The following FPR3 variants were observed in gnomAD, a reference collection of about 807,000 sequenced individuals.
The protein encoded by FPR3 is N-formyl peptide receptor 3.
For missense variants in FPR3, 346 were observed against 443.2 expected (o/e 0.78, Z 1.97); for synonymous variants, 135 against 163.6 (o/e 0.83, Z 1.34).
chr19:51,810,810 A>G (rs1342014519), intron 1 of FPR3, among the ~76,000 whole-genome samples: 1 of 152,060 alleles, frequency 6.6e-6, no homozygotes, highest in Non-Finnish European at 1.5e-5. Context: ...TCCTTCAACA[A>G]CTTACTCTAG....
At position 51,824,792 on chromosome 19, in the gene FPR3, G is replaced by A. The variant is rs1342444928; in HGVS notation, c.1044G>A (p.Thr348=). Residue 348 remains threonine (T), a synonymous_variant, in exon 2 of 2, where the codon ACG becomes ACA. Coordinates refer to ENST00000339223, the MANE Select transcript of FPR3 (RefSeq NM_002030.5). This position sits in a 1 kb window ranked among gnomAD's most constrained non-coding sequence, Gnocchi z 4.7. ...DTTSASPPEE[T]ELQAM ...CTTCTGCTTCACCTCCTGAGGAGAC[G>A]GAGTTACAAGCAATGTGAGGTCGGG... 5.0e-6 allele frequency: 8 copies of A among 1,611,756 alleles called. No individual in the cohort carries two copies. The highest frequency in any genetic ancestry group is 1.3e-5 in the African/African-American group (1 of 74,848).
intron 1 of FPR3, among the ~76,000 whole-genome samples, chr19:51,804,536 CA>C (rs980298540): frequency 2.0e-5 from 3 of 151,608 alleles, no homozygotes; most frequent in African/African-American, 7.3e-5. Context: ...ATTTTTATAC[CA>C]AAAAAATTAT....
At chr19:51,806,691 T>C (rs573743731) in intron 1 of FPR3, among the ~76,000 whole-genome samples, 29 of 152,372 alleles carry the variant, frequency 1.9e-4, no homozygotes, top group Non-Finnish European at 3.8e-4. Context: ...CCATTGTCAA[T>C]TTTTAATTGT....
At chr19:51,801,038 C>T (rs2084024395) in intron 1 of FPR3, among the ~76,000 whole-genome samples, 1 of 151,820 alleles carries the variant, frequency 6.6e-6, no homozygotes, top group Non-Finnish European at 1.5e-5. Context: ...TCAACTAGGA[C>T]AGAAACTAAG....
chr19:51,796,762 G>A (rs886265065), intron 1 of FPR3, among the ~76,000 whole-genome samples: 1 of 152,174 alleles, frequency 6.6e-6, no homozygotes, highest in Admixed American at 6.5e-5. Context: ...AAGAGTGGCA[G>A]GTCTGGGAGG....
At chr19:51,801,465 C>A (rs572768629) in intron 1 of FPR3, among the ~76,000 whole-genome samples, 2 of 152,122 alleles carry the variant, frequency 1.3e-5, no homozygotes, top group Non-Finnish European at 2.9e-5. Context: ...TGTTCCTCTA[C>A]AATATAGGTT....
At chr19:51,810,081 G>A (rs551617039) in intron 1 of FPR3, among the ~76,000 whole-genome samples, 14 of 152,252 alleles carry the variant, frequency 9.2e-5, no homozygotes, top group East Asian at 1.9e-4. Context: ...GAGATCTGGC[G>A]GCATTCCTTT....
intron 1 of FPR3, among the ~76,000 whole-genome samples, chr19:51,796,375 G>C (rs1038861943): frequency 6.6e-6 from 1 of 152,242 alleles, no homozygotes; most frequent in Non-Finnish European, 1.5e-5. Context: ...GGGAACCTAG[G>C]ATAAGGGAAC....
chr19:51,807,475 G>C (rs756549671), intron 1 of FPR3, among the ~76,000 whole-genome samples: 1 of 152,086 alleles, frequency 6.6e-6, no homozygotes, highest in Non-Finnish European at 1.5e-5. Context: ...ATGGGCCTTC[G>C]GGTCCCTGCA....
At chr19:51,822,354 G>A (rs1357940589) in intron 1 of FPR3, among the ~76,000 whole-genome samples, 1 of 152,178 alleles carries the variant, frequency 6.6e-6, no homozygotes, top group Non-Finnish European at 1.5e-5. Flanking sequence ...AAAGATGGAG[G>A]AGGGATACCT....
intron 1 of FPR3, among the ~76,000 whole-genome samples, chr19:51,813,472 G>A (rs1483668088): frequency 6.6e-6 from 1 of 151,948 alleles, no homozygotes; most frequent in African/African-American, 2.4e-5. Flanking sequence ...TGTTTCAGTG[G>A]TGAAAGATAA....
intron 1 of FPR3, chr19:51,804,228 A>C (rs2084043114): frequency 6.6e-6 from 1 of 152,056 alleles, no homozygotes; most frequent in South Asian, 2.1e-4. Flanking sequence ...CACAGTTTCC[A>C]GTTCTACACC....
intron 1 of FPR3, among the ~76,000 whole-genome samples, chr19:51,803,316 T>C (rs563643207): frequency 6.6e-6 from 1 of 152,318 alleles, no homozygotes; most frequent in African/African-American, 2.4e-5. Context: ...CTAATGACTT[T>C]GTATTTAAAT....
rs769560555 is a variant in FPR3, at chr19:51,824,696, T to C, written c.948T>C (p.Ser316=). 1 of 1,614,112 alleles carries C rather than the reference T, an allele frequency of 6.2e-7. No individual in the cohort carries two copies. Among genetic ancestry groups the C allele is most frequent in the South Asian group, 1.1e-5 (1 of 91,080 alleles). The change falls in exon 2 of 2, where the codon TCT becomes TCC. Residue 316 remains serine, a synonymous_variant. Coordinates refer to ENST00000339223, the MANE Select transcript of FPR3 (RefSeq NM_002030.5). This position sits in a 1 kb window ranked among gnomAD's most constrained non-coding sequence, Gnocchi z 4.7. The stretch of plus-strand genomic sequence containing the variant: ...ACTTCCAAGAAAGACTGATTCGCTC[T>C]TTGCCCACTAGTTTGGAGAGGGCCC... ...GRNFQERLIR[S]LPTSLERALT...
At chr19:51,812,024 G>A (rs759879330) in intron 1 of FPR3, among the ~76,000 whole-genome samples, 3 of 152,120 alleles carry the variant, frequency 2.0e-5, no homozygotes, top group Admixed American at 6.5e-5. Flanking sequence ...AGTATACCTC[G>A]CTTTAACTAC....
At chr19:51,802,843 G>C (rs1158692862) in intron 1 of FPR3, among the ~76,000 whole-genome samples, 1 of 152,012 alleles carries the variant, frequency 6.6e-6, no homozygotes, top group African/African-American at 2.4e-5. Context: ...ATATTAACAT[G>C]ATTATTTTTA....
chr19:51,801,995 TTAAAG>T (rs1238613744), intron 1 of FPR3, among the ~76,000 whole-genome samples: 3 of 152,154 alleles, frequency 2.0e-5, no homozygotes, highest in Admixed American at 1.3e-4. Context: ...CAAATTAAAA[TTAAAG>T]TAAGCTTTTG....
intron 1 of FPR3, among the ~76,000 whole-genome samples, chr19:51,814,256 A>C (rs964854716): frequency 1.3e-5 from 2 of 152,126 alleles, no homozygotes; most frequent in Non-Finnish European, 2.9e-5. Flanking sequence ...TGTTGCTTAA[A>C]ATCTCAGAAA....
At position 51,826,084 on chromosome 19, in the gene FPR3, C is replaced by T. The variant is rs1460903311; in HGVS notation, c.*1274C>T. 5 of 158,172 alleles carry T rather than the reference C, an allele frequency of 3.2e-5. No homozygotes were observed. The highest frequency in any genetic ancestry group is 2.1e-4 in the South Asian group (1 of 4,818). The allele number at this position is 158,172 out of a possible 1,614,324, so 9.8% of individuals were successfully genotyped here. A position where few individuals can be genotyped will look rare whatever the true frequency, so the allele number is the denominator to read the frequency against. On this transcript the variant is annotated 3_prime_UTR_variant, in exon 2 of 2. Coordinates refer to ENST00000339223, the MANE Select transcript of FPR3 (RefSeq NM_002030.5). Reference sequence around the variant, plus strand: ...TAAATGCAGTTTCTGTAAATATTAACGTGATCATATTATTTTTATTCTTTC... The same window carrying T: ...TAAATGCAGTTTCTGTAAATATTAATGTGATCATATTATTTTTATTCTTTC...
Sources: allele counts gnomAD v4.1 joint callset (sites outside exome capture counted in the v4.1 genomes callset), GRCh38; gene constraint gnomAD v4.1.1; non-coding constraint Gnocchi (gnomAD v3.1); transcripts MANE v1.5; gene names NCBI Gene and HGNC (gene_info 2026-07-23, HGNC 2026-07-21).